PRKCE: variants seen among roughly 807,000 people sequenced by gnomAD.
PRKCE encodes protein kinase C epsilon, also known as protein kinase C epsilon type.
In PRKCE, 16 loss-of-function variants were observed where a neutral mutation model predicts 85.4. That is an observed-to-expected ratio of 0.19 (90% confidence interval 0.13 to 0.28). The LOEUF (loss-of-function observed/expected upper bound fraction) is 0.28, where lower values mean the gene tolerates loss of function less well. PRKCE is among the 10% of genes least tolerant of loss of function. PRKCE has a pLI of 1.00. For synonymous variants in PRKCE, 388 were observed against 371.5 expected, an observed-to-expected ratio of 1.04 and a Z score of -0.51; for missense variants, 573 against 975.2, an observed-to-expected ratio of 0.59 and a Z score of 5.49.
At chr2:45,993,400 C>T (rs1703967380) in intron 6 of PRKCE, among the ~76,000 whole-genome samples, 1 of 152,208 alleles carries the variant, frequency 6.6e-6, no homozygotes, top group African/African-American at 2.4e-5. Context: ...TCACATCGTG[C>T]ATGCTAACTG....
At position 45,810,656 on chromosome 2, in the gene PRKCE, T is replaced by C. The variant is rs562156949; in HGVS notation, c.349-32344T>C. ...TGGAGTACAGTGGCAGAATCTCGGC[T>C]CATTGCAGCCTCCACTTCCCAGGCT... On this transcript the variant is annotated intron_variant, in intron 1 of 14. Coordinates refer to ENST00000306156, the MANE Select transcript of PRKCE (RefSeq NM_005400.3). 2.0e-5 allele frequency among the ~76,000 whole-genome samples: 3 copies of C among 152,264 alleles called. No individual in the cohort carries two copies. The South Asian group carries it at 6.2e-4, about 32-fold the overall frequency.
chr2:45,977,050 C>A (rs1448799492), intron 3 of PRKCE, among the ~76,000 whole-genome samples: 1 of 151,984 alleles, frequency 6.6e-6, no homozygotes, highest in East Asian at 1.9e-4. Context: ...GAGCACACGA[C>A]CACGCCTGGC....
intron 2 of PRKCE, among the ~76,000 whole-genome samples, chr2:45,965,883 C>T (rs1190955994): frequency 6.6e-6 from 1 of 151,872 alleles, no homozygotes; most frequent in African/African-American, 2.4e-5. Flanking sequence ...AGCATAGCTG[C>T]TTTGTTAAAC....
At chr2:45,815,173 G>A (rs1344185196) in intron 1 of PRKCE, among the ~76,000 whole-genome samples, 1 of 152,214 alleles carries the variant, frequency 6.6e-6, no homozygotes, top group Non-Finnish European at 1.5e-5. Flanking sequence ...AGAGGATTAT[G>A]CAGGAAATTT....
intron 2 of PRKCE, among the ~76,000 whole-genome samples, chr2:45,860,972 G>T (rs922858593): frequency 2.0e-5 from 3 of 152,170 alleles, no homozygotes. Context: ...AGTGAATAAC[G>T]CAGATCTTTG....
intron 2 of PRKCE, among the ~76,000 whole-genome samples, chr2:45,915,013 T>A (rs909112714): frequency 6.6e-6 from 1 of 152,234 alleles, no homozygotes; most frequent in Non-Finnish European, 1.5e-5. Context: ...CTCAGCTCAC[T>A]GCCACCTCCA....
intron 1 of PRKCE, among the ~76,000 whole-genome samples, chr2:45,790,775 C>T (rs1351726171): frequency 6.6e-6 from 1 of 152,172 alleles, no homozygotes; most frequent in African/African-American, 2.4e-5. Context: ...TTTGTGAATA[C>T]ACTTTGTATC....
At chr2:45,930,676 C>T (rs867201407) in intron 2 of PRKCE, among the ~76,000 whole-genome samples, 6 of 152,252 alleles carry the variant, frequency 3.9e-5, no homozygotes, top group African/African-American at 7.2e-5. Flanking sequence ...TGATTTATTG[C>T]ACCTAGAATC....
At chr2:45,835,619 G>C (rs979221516) in intron 1 of PRKCE, among the ~76,000 whole-genome samples, 2 of 146,016 alleles carry the variant, frequency 1.4e-5, no homozygotes, top group Non-Finnish European at 3.0e-5. Flanking sequence ...TTTTTTAAGA[G>C]ACAGGATCTC....
chr2:45,949,201 A>G (rs1037409361), intron 2 of PRKCE, among the ~76,000 whole-genome samples: 1 of 152,222 alleles, frequency 6.6e-6, no homozygotes, highest in African/African-American at 2.4e-5. Flanking sequence ...GCTTATCAAC[A>G]TGGTTACATT....
At chr2:45,723,258 C>T (rs1433610068) in intron 1 of PRKCE, among the ~76,000 whole-genome samples, 3 of 152,160 alleles carry the variant, frequency 2.0e-5, no homozygotes, top group Non-Finnish European at 2.9e-5. Flanking sequence ...GTAGAAAATG[C>T]CGTGACTCCT....
At chr2:45,902,192 C>T (rs920333388) in intron 2 of PRKCE, among the ~76,000 whole-genome samples, 4 of 152,150 alleles carry the variant, frequency 2.6e-5, no homozygotes, top group East Asian at 1.9e-4. Flanking sequence ...GCCCAGAAGG[C>T]GACTTTGGGA....
At chr2:45,744,716 C>T (rs1165223511) in intron 1 of PRKCE, among the ~76,000 whole-genome samples, 2 of 151,920 alleles carry the variant, frequency 1.3e-5, no homozygotes, top group African/African-American at 4.8e-5. Context: ...TCAAGCGATT[C>T]TCCTTCCTCA....
At position 46,075,899 on chromosome 2, in the gene PRKCE, G is replaced by A. The variant is rs753579829; in HGVS notation, c.1438-10309G>A. 7.9e-5 allele frequency among the ~76,000 whole-genome samples: 12 copies of A among 152,326 alleles called. No individual in the cohort carries two copies. In the South Asian group the frequency reaches 8.3e-4, roughly 11 times the overall value. The stretch of plus-strand genomic sequence containing the variant: ...GCCTGAAGCAAAGGTTCCTGAAGCC[G>A]TCCAGCTTTTCTGAAGTCCAGGTGA... On this transcript the variant is annotated intron_variant, in intron 10 of 14. Transcript: ENST00000306156.
At chr2:45,703,551 ATAAAG>A (rs528154722) in intron 1 of PRKCE, among the ~76,000 whole-genome samples, 192 of 152,024 alleles carry the variant, frequency 1.3e-3, no homozygotes, top group African/African-American at 4.5e-3. Context: ...AAAAAAAAGA[ATAAAG>A]AAAAGAAAAG....
chr2:45,776,237 A>G (rs1346611071), intron 1 of PRKCE, among the ~76,000 whole-genome samples: 3 of 152,204 alleles, frequency 2.0e-5, no homozygotes, highest in Non-Finnish European at 4.4e-5. Context: ...TTCTGAGAAA[A>G]GGCGACCTGA....
At chr2:46,029,860 C>T (rs949271817) in intron 10 of PRKCE, among the ~76,000 whole-genome samples, 6 of 151,986 alleles carry the variant, frequency 3.9e-5, no homozygotes, top group Admixed American at 2.0e-4. Flanking sequence ...GTTTGGAGGG[C>T]ATTTGCTGGG....
intron 2 of PRKCE, among the ~76,000 whole-genome samples, chr2:45,973,192 G>T (rs1438085711): frequency 2.6e-5 from 4 of 152,324 alleles, no homozygotes; most frequent in South Asian, 4.1e-4. Flanking sequence ...CCAGGCCCCA[G>T]TAGGGAGGTT....
chr2:45,779,507 G>A (rs1385709954), intron 1 of PRKCE, among the ~76,000 whole-genome samples: 1 of 151,936 alleles, frequency 6.6e-6, no homozygotes. Flanking sequence ...GAGAGCTCCA[G>A]GGAGTCACTG....
Sources: gnomAD v4.1 joint callset for allele counts (sites outside exome capture counted in the v4.1 genomes callset) on GRCh38, gnomAD v4.1.1 for gene constraint, MANE v1.5 for transcripts, NCBI Gene and HGNC (gene_info 2026-07-23, HGNC 2026-07-21) for gene names.